Variants in COBL observed in about 807,000 individuals in gnomAD.
The protein encoded by COBL is cordon-bleu WH2 repeat protein, also known as protein cordon-bleu.
Under a neutral mutation model 98.8 loss-of-function variants are expected in COBL, and 51 were observed. The ratio of observed to expected loss-of-function variants is 0.52; its 90% confidence interval spans 0.41 to 0.65. COBL has a LOEUF of 0.65. COBL is among the 30% of genes least tolerant of loss of function. The pLI is 0.00. For synonymous variants in COBL, 634 were observed against 651.7 expected, an observed-to-expected ratio of 0.97 and a Z score of 0.41; for missense variants, 1,617 against 1,617.5, an observed-to-expected ratio of 1.00 and a Z score of 0.01.
At chr7:51,206,666 G>A (rs190719954) in intron 2 of COBL, among the ~76,000 whole-genome samples, 243 of 152,252 alleles carry the variant, frequency 1.6e-3, no homozygotes, top group Non-Finnish European at 2.4e-3. Flanking sequence ...ATGTGGTTAC[G>A]TATATACAAT....
At chr7:51,270,390 T>C (rs1428238245) in intron 1 of COBL, among the ~76,000 whole-genome samples, 1 of 152,208 alleles carries the variant, frequency 6.6e-6, no homozygotes, top group African/African-American at 2.4e-5. Flanking sequence ...AATATGCTCA[T>C]TCATTCACAT....
At chr7:51,105,001 C>G (rs536684518) in intron 6 of COBL, among the ~76,000 whole-genome samples, 1 of 151,822 alleles carries the variant, frequency 6.6e-6, no homozygotes, top group African/African-American at 2.4e-5. Flanking sequence ...ATTGGGAAAT[C>G]GAAACTTAAG....
At chr7:51,018,672 C>A (rs1382107594) in intron 12 of COBL, among the ~76,000 whole-genome samples, 1 of 151,574 alleles carries the variant, frequency 6.6e-6, no homozygotes, top group Admixed American at 6.6e-5. Flanking sequence ...GCGGGCAGAT[C>A]ACCTGAGGTC....
intron 1 of COBL, among the ~76,000 whole-genome samples, chr7:51,313,640 G>A (rs1049573197): frequency 6.7e-5 from 10 of 150,048 alleles, no homozygotes; most frequent in African/African-American, 2.2e-4. Context: ...TCCTCCATAG[G>A]AAAAAAAAAA....
intron 6 of COBL, among the ~76,000 whole-genome samples, chr7:51,131,750 C>T (rs150897502): frequency 0.027 from 4,049 of 152,268 alleles, 152 homozygotes; most frequent in Admixed American, 0.087. Flanking sequence ...TCCGCCACCA[C>T]GCCCAGCTAA....
chr7:51,075,257 A>G (rs1266490976), intron 7 of COBL, among the ~76,000 whole-genome samples: 2 of 152,252 alleles, frequency 1.3e-5, no homozygotes, highest in Non-Finnish European at 2.9e-5. Context: ...ATATCTAGAC[A>G]ATTAACAAGA....
chr7:51,020,206 T>C (rs1227665790), intron 12 of COBL, among the ~76,000 whole-genome samples: 3 of 152,126 alleles, frequency 2.0e-5, no homozygotes, highest in Non-Finnish European at 4.4e-5. Flanking sequence ...CTGTGCCCCA[T>C]TTTCGCACCT....
chr7:51,178,508 G>A (rs1165987081), intron 5 of COBL, among the ~76,000 whole-genome samples: 1 of 152,076 alleles, frequency 6.6e-6, no homozygotes, highest in East Asian at 1.9e-4. Flanking sequence ...TTTTCATATA[G>A]TATTGATAAA....
At chr7:51,235,683 C>A (rs1255223560) in intron 1 of COBL, among the ~76,000 whole-genome samples, 1 of 152,200 alleles carries the variant, frequency 6.6e-6, no homozygotes, top group Non-Finnish European at 1.5e-5. Context: ...CCCTGCACCA[C>A]AGGGCAGGTG....
At chr7:51,220,339 T>C (rs1214618749) in intron 1 of COBL, among the ~76,000 whole-genome samples, 3 of 152,096 alleles carry the variant, frequency 2.0e-5, no homozygotes, top group African/African-American at 7.2e-5. Flanking sequence ...TGTGACACTT[T>C]ATTAAATCTT....
chr7:51,080,822 C>G (rs1435936241), intron 7 of COBL, among the ~76,000 whole-genome samples: 1 of 152,172 alleles, frequency 6.6e-6, no homozygotes, highest in Non-Finnish European at 1.5e-5. Flanking sequence ...CATTCACACC[C>G]AGCACTCAGG....
intron 5 of COBL, among the ~76,000 whole-genome samples, chr7:51,159,568 A>G (rs1396838250): frequency 6.6e-6 from 1 of 152,252 alleles, no homozygotes; most frequent in East Asian, 1.9e-4. Flanking sequence ...GAAAGGAAAC[A>G]TAGACAGTGG....
chr7:51,041,854 G>A (rs555857601), intron 8 of COBL, among the ~76,000 whole-genome samples: 4 of 152,138 alleles, frequency 2.6e-5, no homozygotes, highest in South Asian at 2.1e-4. Flanking sequence ...TCTAAAAGAC[G>A]AAAAACATTG....
intron 4 of COBL, chr7:51,187,870 G>C: frequency 8.2e-7 from 1 of 1,220,112 alleles, no homozygotes; most frequent in Non-Finnish European, 1.0e-6. Flanking sequence ...GCCATGCATA[G>C]TGCAGCCTCA....
At chr7:51,294,712 A>T (rs1455540730) in intron 1 of COBL, among the ~76,000 whole-genome samples, 1 of 151,082 alleles carries the variant, frequency 6.6e-6, no homozygotes, top group Admixed American at 6.6e-5. Context: ...TCTGTACTTG[A>T]TATTGCTAGC....
chr7:51,275,531 G>T (rs1799219866), intron 1 of COBL, among the ~76,000 whole-genome samples: 2 of 152,052 alleles, frequency 1.3e-5, no homozygotes, highest in African/African-American at 2.4e-5. Context: ...GAGCAGGTCT[G>T]GGGGGAATTC....
intron 1 of COBL, among the ~76,000 whole-genome samples, chr7:51,292,938 G>C (rs1289710392): frequency 2.0e-5 from 3 of 152,244 alleles, no homozygotes; most frequent in Non-Finnish European, 4.4e-5. Flanking sequence ...TTTCCCTTGA[G>C]TGACACAATG....
chr7:51,313,534 G>T (rs1316905189), intron 1 of COBL, among the ~76,000 whole-genome samples: 1 of 152,162 alleles, frequency 6.6e-6, no homozygotes, highest in African/African-American at 2.4e-5. Flanking sequence ...ATTTTTACAT[G>T]AGCAAACTGC....
intron 7 of COBL, among the ~76,000 whole-genome samples, chr7:51,054,896 C>T (rs533513624): frequency 2.2e-4 from 33 of 152,276 alleles, no homozygotes; most frequent in Admixed American, 3.9e-4. Flanking sequence ...TGTAAAACAT[C>T]GTTTCCTTTC....
Sources: allele counts gnomAD v4.1 joint callset (sites outside exome capture counted in the v4.1 genomes callset), GRCh38; gene constraint gnomAD v4.1.1; transcripts MANE v1.5; gene names NCBI Gene and HGNC (gene_info 2026-07-23, HGNC 2026-07-21).